Variants in MTMR8 observed in about 807,000 individuals in gnomAD.
MTMR8 encodes the protein myotubularin related protein 8, also known as phosphatidylinositol-3,5-bisphosphate 3-phosphatase MTMR8.
In MTMR8, 65 loss-of-function variants were observed where a neutral mutation model predicts 39.3. That is an observed-to-expected ratio of 1.65 (90% CI 1.35 to 2.03). The LOEUF is 2.03. Ranked by LOEUF, MTMR8 falls within the 30% of genes most tolerant of loss-of-function variation. The pLI is 0.00. For synonymous variants in MTMR8, 245 were observed against 185.2 expected, an observed-to-expected ratio of 1.32 and a Z score of -2.62; for missense variants, 777 against 538.9, an observed-to-expected ratio of 1.44 and a Z score of -4.37.
At chrX:64,316,194 CA>C (rs1356331973) in intron 12 of MTMR8, among the ~76,000 whole-genome samples, 41 of 112,109 alleles carry the variant, frequency 3.7e-4, no homozygotes, top group African/African-American at 1.3e-3. Flanking sequence ...CTATTCTTTC[CA>C]TTCTTCTTTC....
At chrX:64,368,954 T>C (rs1334465155) in intron 1 of MTMR8, among the ~76,000 whole-genome samples, 1 of 112,392 alleles carries the variant, frequency 8.9e-6, no homozygotes, top group Non-Finnish European at 1.9e-5. Context: ...GTGAAGGATA[T>C]GAACAGACAC....
intron 4 of MTMR8, among the ~76,000 whole-genome samples, chrX:64,352,978 C>T (rs191134573): frequency 1.8e-5 from 2 of 111,707 alleles, no homozygotes; most frequent in Non-Finnish European, 3.8e-5. Context: ...GGTCACGAAG[C>T]GCTTTATGAT....
intron 1 of MTMR8, among the ~76,000 whole-genome samples, chrX:64,394,022 G>T (rs1240758148): frequency 8.9e-6 from 1 of 112,193 alleles, no homozygotes; most frequent in Non-Finnish European, 1.9e-5. Flanking sequence ...TACCAAAGAG[G>T]TTTATTGGAC....
intron 12 of MTMR8, among the ~76,000 whole-genome samples, chrX:64,287,148 C>A (rs1006652603): frequency 1.6e-4 from 18 of 111,747 alleles, no homozygotes; most frequent in African/African-American, 5.9e-4. Flanking sequence ...GCAAAAATCA[C>A]AAGCATTCTT....
intron 12 of MTMR8, among the ~76,000 whole-genome samples, chrX:64,278,458 TGG>T (rs1024070202): frequency 1.4e-5 from 1 of 70,498 alleles, no homozygotes; most frequent in Non-Finnish European, 2.2e-5. Context: ...TTTATTTTGC[TGG>T]TTTTTTTTTT....
chrX:64,357,340 A>C (rs1923652469), intron 2 of MTMR8, among the ~76,000 whole-genome samples: 1 of 111,711 alleles, frequency 9.0e-6, no homozygotes. Flanking sequence ...TCTTTGGAAA[A>C]GTCATCTCTT....
At chrX:64,385,402 C>T (rs1156318969) in intron 1 of MTMR8, among the ~76,000 whole-genome samples, 2 of 112,117 alleles carry the variant, frequency 1.8e-5, no homozygotes, top group Admixed American at 1.9e-4. Context: ...TGACCCAGTT[C>T]CAAAGCTGCT....
intron 1 of MTMR8, among the ~76,000 whole-genome samples, chrX:64,368,534 T>G (rs978858690): frequency 2.7e-5 from 3 of 111,343 alleles, no homozygotes; most frequent in Non-Finnish European, 3.8e-5. Flanking sequence ...AATAAATGGT[T>G]CTGGGAAAAC....
intron 12 of MTMR8, among the ~76,000 whole-genome samples, chrX:64,300,673 G>A (rs1372039552): frequency 2.9e-5 from 3 of 103,011 alleles, no homozygotes; most frequent in Non-Finnish European, 6.0e-5. Flanking sequence ...TCCTAGTCTC[G>A]ATGGTCTTTA....
intron 12 of MTMR8, among the ~76,000 whole-genome samples, chrX:64,272,723 A>G (rs1479829081): frequency 9.0e-6 from 1 of 111,416 alleles, no homozygotes; most frequent in Non-Finnish European, 1.9e-5. Flanking sequence ...ACTAAGACAT[A>G]TGATAATAAA....
chrX:64,362,762 C>T (rs2147236165), intron 1 of MTMR8, among the ~76,000 whole-genome samples: 1 of 110,144 alleles, frequency 9.1e-6, no homozygotes, highest in African/African-American at 3.3e-5. Flanking sequence ...ATGCAGAGTA[C>T]CTTGGATCTA....
chrX:64,328,889 T>G lies in MTMR8; in HGVS notation c.1364A>C (p.Lys455Thr). The G allele has an allele frequency of 2.5e-6, 3 of 1,192,885 alleles. No individual in the cohort carries two copies. Among genetic ancestry groups the G allele is most frequent in the Non-Finnish European group, 3.4e-6 (3 of 890,009 alleles). Residue 455 changes from lysine to threonine, a missense_variant, in exon 12 of 14, where the codon AAA becomes ACA. Transcript: ENST00000374852. The part of the protein sequence containing the change: ...KDREDLRVYE[K>T]THSVWPFLVQ... ...CAAGAAAGGCCACACAGAATGTGTTTTCTCATAGACTCTGTTAGAAAAGAA... is the reference window on the plus strand; with the variant it reads ...CAAGAAAGGCCACACAGAATGTGTTGTCTCATAGACTCTGTTAGAAAAGAA...
intron 10 of MTMR8, among the ~76,000 whole-genome samples, chrX:64,333,061 A>T (rs759217376): frequency 1.4e-4 from 16 of 111,173 alleles, no homozygotes; most frequent in African/African-American, 5.2e-4. Flanking sequence ...TCTTGTAATT[A>T]TTTTCCTTCT....
chrX:64,388,553 C>G (rs904869887), intron 1 of MTMR8, among the ~76,000 whole-genome samples: 1 of 112,423 alleles, frequency 8.9e-6, no homozygotes. Context: ...GTGCCTCCAA[C>G]TAAAGCAAAT....
intron 1 of MTMR8, among the ~76,000 whole-genome samples, chrX:64,363,909 TA>T (rs1923868459): frequency 8.9e-6 from 1 of 112,316 alleles, no homozygotes; most frequent in Non-Finnish European, 1.9e-5. Flanking sequence ...TCCAACAGTA[TA>T]AGCAAATGGC....
chrX:64,370,842 C>T (rs1924112273), intron 1 of MTMR8, among the ~76,000 whole-genome samples: 1 of 111,514 alleles, frequency 9.0e-6, no homozygotes, highest in Non-Finnish European at 1.9e-5. Flanking sequence ...TAAATGTGCT[C>T]TAATTAGGGA....
chrX:64,321,146 A>G (rs1922633077), intron 12 of MTMR8, among the ~76,000 whole-genome samples: 1 of 111,706 alleles, frequency 9.0e-6, no homozygotes, highest in African/African-American at 3.3e-5. Context: ...TTCAACAACA[A>G]CAACAAAAAA....
intron 12 of MTMR8, among the ~76,000 whole-genome samples, chrX:64,323,320 AAAG>A (rs1324163245): frequency 3.6e-5 from 4 of 112,537 alleles, no homozygotes; most frequent in African/African-American, 9.7e-5. Context: ...TAAAAAGAGA[AAAG>A]AAGTTCATTA....
At chrX:64,343,578 G>C in intron 8 of MTMR8, 33 bp downstream of exon 8, 1 of 930,002 alleles carries the variant, frequency 1.1e-6, no homozygotes, top group Non-Finnish European at 1.5e-6. Context: ...CATAATTAAA[G>C]TCAGTGCAAA....
Sources: allele counts gnomAD v4.1 joint callset (sites outside exome capture counted in the v4.1 genomes callset), GRCh38; gene constraint gnomAD v4.1.1; transcripts MANE v1.5; gene names NCBI Gene and HGNC (gene_info 2026-07-23, HGNC 2026-07-21).